CLEC17A: variants seen among roughly 807,000 people sequenced by gnomAD.
The protein encoded by CLEC17A is C-type lectin domain family 17, member A.
Under a neutral mutation model 61.3 loss-of-function variants are expected in CLEC17A, and 37 were observed. That is an observed-to-expected ratio of 0.60 (90% CI 0.46 to 0.79). CLEC17A has a LOEUF of 0.79. Among genes scored for constraint, CLEC17A ranks in the 30% least tolerant of loss-of-function variants. The pLI, the probability that CLEC17A is intolerant of heterozygous loss-of-function variation, is 0.00. For missense variants in CLEC17A, 418 were observed against 464.7 expected (o/e 0.90, Z 0.92); for synonymous variants, 168 against 164.9 (o/e 1.02, Z -0.14).
At chr19:14,590,368 T>A in intron 3 of CLEC17A, among the ~76,000 whole-genome samples, 2 of 151,646 alleles carry the variant, frequency 1.3e-5, no homozygotes. Flanking sequence ...CATATTTTAA[T>A]GTTTCTTAAT....
chr19:14,601,886 G>A (rs188707028), intron 12 of CLEC17A, among the ~76,000 whole-genome samples: 3 of 152,070 alleles, frequency 2.0e-5, no homozygotes, highest in East Asian at 3.9e-4. Flanking sequence ...TCTGACTCCC[G>A]GGTTCACGCC....
At position 14,611,007 on chromosome 19, in the gene CLEC17A, T is replaced by C. The variant is rs1324404636; in HGVS notation, c.*811T>C. On this transcript the variant is annotated 3_prime_UTR_variant, in exon 14 of 14. Transcript: ENST00000417570. ...TACTTTCCCCATCTTTTCCTTTTTT[T>C]TTTTTTTCCAAACAAAAGCTTTGAA... 2.6e-5 allele frequency: 4 copies of C among 151,834 alleles called. No homozygotes were observed. The highest frequency in any genetic ancestry group is 9.7e-5 in the African/African-American group (4 of 41,368). 9.4% of individuals were successfully genotyped at this position (151,834 alleles called of 1,614,324 possible).
rs1439831186 is a variant in CLEC17A, at chr19:14,583,182, A to T, written c.22A>T (p.Thr8Ser). The T allele has an allele frequency of 8.7e-6, 14 of 1,613,908 alleles. No individual in the cohort carries two copies. Among genetic ancestry groups the T allele is most frequent in the Non-Finnish European group, 1.2e-5 (14 of 1,179,870 alleles). The change falls in exon 1 of 14, where the codon ACT becomes TCT. Residue 8 changes from threonine (T) to serine (S), a missense_variant. By Grantham distance (58) the Thr-to-Ser change is moderately conservative (BLOSUM62 1). Transcript: ENST00000417570. ...AGACATGCATAATCTGTATTCCATC[A>T]CTGGGTACCCGGACCCACCAGGTAA... MHNLYSI[T>S]GYPDPPGTME... is the part of the protein sequence containing the mutation.
intron 7 of CLEC17A, 128 bp from the exon 8 acceptor site, chr19:14,595,146 A>T: frequency 9.5e-7 from 1 of 1,053,334 alleles, no homozygotes. Context: ...TGCTGGAATT[A>T]CAGGCGTGAG....
intron 2 of CLEC17A, among the ~76,000 whole-genome samples, chr19:14,586,632 G>T (rs375415099): frequency 1.2e-4 from 18 of 151,794 alleles, no homozygotes; most frequent in Non-Finnish European, 2.1e-4. Flanking sequence ...TTGCTATGTT[G>T]CCCAGGCTGG....
In CLEC17A at chr19:14,583,415, G is replaced by T. The variant is rs1432964303; in HGVS notation, c.102G>T (p.Lys34Asn). The T allele has an allele frequency of 6.2e-7, 1 of 1,612,364 alleles. No individual in the cohort carries two copies. The highest frequency in any genetic ancestry group is 1.3e-5 in the African/African-American group (1 of 74,868). Residue 34 changes from lysine to asparagine, a missense_variant, in exon 2 of 14, where the codon AAG (lysine) becomes AAT (asparagine). Coordinates refer to ENST00000417570, the MANE Select transcript of CLEC17A (RefSeq NM_001204118.2). ...DDYENSTPPYKDLPPKPGTME... is the reference protein window; with the variant it reads ...DDYENSTPPYNDLPPKPGTME... Reference sequence around the variant, plus strand: ...ATGAGAACTCAACACCTCCCTACAAGGACCTTCCTCCCAAGCCAGGTAAGA... The same window carrying T: ...ATGAGAACTCAACACCTCCCTACAATGACCTTCCTCCCAAGCCAGGTAAGA...
upstream of CLEC17A, among the ~76,000 whole-genome samples, chr19:14,581,811 T>C (rs2074185587): frequency 6.6e-6 from 1 of 151,670 alleles, no homozygotes; most frequent in South Asian, 2.1e-4. Flanking sequence ...CGCCACCATA[T>C]CTGGCTAATT....
At chr19:14,593,330 TACCAAAAAAAAAAA>T (rs373568089) in intron 4 of CLEC17A, among the ~76,000 whole-genome samples, 1,462 of 79,720 alleles carry the variant, frequency 0.018, 13 homozygotes, top group African/African-American at 0.099. Context: ...CGCCCATCTC[TACCAAAAAAAAAAA>T]AAAAAAAAAA....
chr19:14,592,477 A>C, intron 4 of CLEC17A, 119 bp downstream of exon 4: 1 of 1,527,832 alleles, frequency 6.5e-7, no homozygotes, highest in Non-Finnish European at 8.8e-7. Context: ...CATGCCAGGC[A>C]CTGTGCAACA....
At chr19:14,601,119 T>C (rs2074704034) in intron 12 of CLEC17A, among the ~76,000 whole-genome samples, 1 of 151,510 alleles carries the variant, frequency 6.6e-6, no homozygotes, top group Non-Finnish European at 1.5e-5. Context: ...GCCAGGCTGT[T>C]CTCGAACTCC....
At chr19:14,581,458 G>A (rs2074181210), upstream of CLEC17A, among the ~76,000 whole-genome samples, 1 of 151,878 alleles carries the variant, frequency 6.6e-6, no homozygotes, top group Non-Finnish European at 1.5e-5. Flanking sequence ...CGAGTAGCTG[G>A]CATTACAGGT....
At chr19:14,596,805 G>T (rs1177965308) in intron 8 of CLEC17A, 71 bp from the exon 9 acceptor site, 1 of 1,539,082 alleles carries the variant, frequency 6.5e-7, no homozygotes, top group Non-Finnish European at 8.8e-7. Flanking sequence ...CTTGGACAAA[G>T]ACTTAAGAGT....
At chr19:14,598,368 T>C (rs1448089943) in intron 10 of CLEC17A, among the ~76,000 whole-genome samples, 3 of 151,402 alleles carry the variant, frequency 2.0e-5, no homozygotes, top group Non-Finnish European at 4.4e-5. Flanking sequence ...TTTTCCTTCC[T>C]TTCTTCCTTC....
At position 14,610,317 on chromosome 19, in the gene CLEC17A, T is replaced by C; in HGVS notation, c.*121T>C. 1 of 1,387,502 alleles carries C rather than the reference T, an allele frequency of 7.2e-7. No individual in the cohort carries two copies. The highest frequency in any genetic ancestry group is 2.2e-5 in the Admixed American group (1 of 44,994). The allele number at this position is 1,387,502 out of a possible 1,614,324, so 85.9% of individuals were successfully genotyped here. ...ACACACAGATGTGCCTCAAACAGGA[T>C]TGGCACCCTGGATGCAGCAAGTTCC... On this transcript the variant is annotated 3_prime_UTR_variant, in exon 14 of 14. Transcript: ENST00000417570.
intron 7 of CLEC17A, among the ~76,000 whole-genome samples, chr19:14,595,034 G>A (rs1302733233): frequency 6.6e-6 from 1 of 152,074 alleles, no homozygotes; most frequent in Non-Finnish European, 1.5e-5. Flanking sequence ...ACCACACCTG[G>A]CTAAGTTTTG....
intron 2 of CLEC17A, among the ~76,000 whole-genome samples, chr19:14,583,883 T>A (rs1044487253): frequency 4.6e-5 from 7 of 152,106 alleles, no homozygotes; most frequent in African/African-American, 1.2e-4. Context: ...GACTTGGATC[T>A]CAAACCCAAG....
Position 14,583,097 on chromosome 19 carries a change from G to C in CLEC17A, c.-64G>C, listed in dbSNP as rs575809896. 3.2e-6 allele frequency: 5 copies of C among 1,581,976 alleles called. No homozygotes were observed. In the Admixed American group the frequency reaches 5.1e-5, roughly 16 times the overall value. On this transcript the variant is annotated 5_prime_UTR_variant, in exon 1 of 14. Transcript: ENST00000417570. ...GAGAGAGCCCCCAGACGCCTGAGTC[G>C]GAGAGACAGGGGGCAGAGGTTGCCA...
At chr19:14,591,168 T>C (rs2074405076) in intron 3 of CLEC17A, among the ~76,000 whole-genome samples, 1 of 151,660 alleles carries the variant, frequency 6.6e-6, no homozygotes, top group South Asian at 2.1e-4. Flanking sequence ...TCTTTTTTTT[T>C]TTTTGAGACA....
intron 4 of CLEC17A, 104 bp from the exon 5 acceptor site, chr19:14,594,413 C>A: frequency 7.0e-7 from 1 of 1,438,542 alleles, no homozygotes; most frequent in South Asian, 1.2e-5. Flanking sequence ...CGTCTGTAAC[C>A]TAATCTCCAA....
Sources: gnomAD v4.1 joint callset for allele counts (sites outside exome capture counted in the v4.1 genomes callset) on GRCh38, gnomAD v4.1.1 for gene constraint, MANE v1.5 for transcripts, NCBI Gene and HGNC (gene_info 2026-07-23, HGNC 2026-07-21) for gene names.